UNC5A: variants seen among roughly 807,000 people sequenced by gnomAD.
The protein encoded by UNC5A is unc-5 netrin receptor A.
In UNC5A, 20 loss-of-function variants were observed where a neutral mutation model predicts 87.4. That is an observed-to-expected ratio of 0.23 (90% confidence interval 0.16 to 0.33). The LOEUF (loss-of-function observed/expected upper bound fraction) is 0.33, where lower values mean the gene tolerates loss of function less well. Ranked by LOEUF, UNC5A falls within the 10% of genes least tolerant of loss-of-function variation. UNC5A has a pLI of 1.00. For missense variants in UNC5A, 844 were observed against 1,133.4 expected, an observed-to-expected ratio of 0.74 and a Z score of 3.67; for synonymous variants, 438 against 482.3, an observed-to-expected ratio of 0.91 and a Z score of 1.20.
At chr5:176,843,822 G>A (rs1306636808) in intron 1 of UNC5A, among the ~76,000 whole-genome samples, 2 of 152,212 alleles carry the variant, frequency 1.3e-5, no homozygotes, top group Non-Finnish European at 2.9e-5. Context: ...TGTGTGATGG[G>A]CCGTCTTGCC....
chr5:176,823,874 A>G (rs924099889), intron 1 of UNC5A, among the ~76,000 whole-genome samples: 13 of 152,126 alleles, frequency 8.5e-5, no homozygotes, highest in Non-Finnish European at 1.9e-4. Flanking sequence ...GGGGGTTGGT[A>G]GTTTCTCTGC....
Position 176,874,029 on chromosome 5 carries a change from GGTCCTGCTGCTGCTT to G in UNC5A, c.954_968del (p.Leu319_Leu323del). On this transcript the variant is annotated inframe_deletion, in exon 7 of 15. Transcript: ENST00000329542. The surrounding 1 kb of genome is among the most constrained non-coding windows in gnomAD (Gnocchi z 7.6). ...GCCTCATCGCCGTGGCCGTCTGCCT[GGTCCTGCTGCTGCTT>G]GTCCTCATCCTCGTTTATTGCCGGA... 1 of 1,614,046 alleles carries G rather than the reference GGTCCTGCTGCTGCTT, an allele frequency of 6.2e-7. No individual in the cohort carries two copies. The highest frequency in any genetic ancestry group is 8.5e-7 in the Non-Finnish European group (1 of 1,179,970).
chr5:176,858,150 C>T (rs943897629), intron 1 of UNC5A, among the ~76,000 whole-genome samples: 2 of 152,218 alleles, frequency 1.3e-5, no homozygotes, highest in Admixed American at 6.5e-5. Context: ...CGGCATGGAC[C>T]GAGGATGCAC....
intron 1 of UNC5A, among the ~76,000 whole-genome samples, chr5:176,839,711 G>A (rs926261826): frequency 2.0e-5 from 3 of 152,218 alleles, no homozygotes; most frequent in Non-Finnish European, 4.4e-5. Context: ...GCGCTCTGGG[G>A]AGGGCCTGGG....
intron 6 of UNC5A, among the ~76,000 whole-genome samples, chr5:176,870,739 G>C (rs1284485267): frequency 6.6e-6 from 1 of 151,894 alleles, no homozygotes; most frequent in Non-Finnish European, 1.5e-5. Flanking sequence ...TCCTGAGACG[G>C]GCACAGATTT....
intron 1 of UNC5A, among the ~76,000 whole-genome samples, chr5:176,832,303 G>T (rs1200888690): frequency 1.3e-5 from 2 of 152,156 alleles, no homozygotes; most frequent in Non-Finnish European, 1.5e-5. Context: ...CAGGTGTTTG[G>T]CTGGCAGTCT....
In UNC5A at chr5:176,877,376, C is replaced by T. The variant is rs866656111; in HGVS notation, c.1466+97C>T. On this transcript the variant is annotated intron_variant, in intron 9 of 14. Transcript: ENST00000329542. ...TGCCCACCCACTGTTGTGCCTGGCC[C>T]GAGGCGGCGGGGGAAAGAGCTATGC... 6.3e-5 allele frequency: 87 copies of T among 1,378,144 alleles called. No individual in the cohort carries two copies. The Middle Eastern group carries it at 1.1e-3, about 18-fold the overall frequency. The allele number at this position is 1,378,144 out of a possible 1,614,324, so 85.4% of individuals were successfully genotyped here. A position where few individuals can be genotyped will look rare whatever the true frequency, so the allele number is the denominator to read the frequency against.
chr5:176,867,690 G>T (rs1758007362), intron 2 of UNC5A, among the ~76,000 whole-genome samples: 1 of 152,170 alleles, frequency 6.6e-6, no homozygotes, highest in Admixed American at 6.5e-5. Flanking sequence ...GCCCCCGAGG[G>T]AGGGGGCCAG....
intron 1 of UNC5A, among the ~76,000 whole-genome samples, chr5:176,831,883 C>CTTTTTTTTTT (rs1285414321): frequency 5.0e-4 from 58 of 115,296 alleles, no homozygotes; most frequent in African/African-American, 1.8e-3. Context: ...CTTTCTCTCT[C>CTTTTTTTTTT]TCTTTTTTTT....
intron 2 of UNC5A, among the ~76,000 whole-genome samples, chr5:176,863,178 C>A (rs776567181): frequency 6.6e-6 from 1 of 152,268 alleles, no homozygotes; most frequent in Non-Finnish European, 1.5e-5. Flanking sequence ...AGGCAGACAG[C>A]GGGGTGACCT....
chr5:176,879,350 C>T lies in UNC5A; in HGVS notation c.2225C>T (p.Ala742Val), dbSNP rs79316355. The change falls in exon 14 of 15, where the codon GCG becomes GTG. Residue 742 changes from alanine to valine, a missense_variant. By Grantham distance (64) the Ala-to-Val change is moderately conservative. Around this residue, in one of 3 missense-constraint regions of UNC5A, gnomAD observed 177 missense variants for 279.4 expected, o/e 0.63. Coordinates refer to ENST00000329542, the MANE Select transcript of UNC5A (RefSeq NM_133369.3). ...FAELLALESE[A>V]GVPALVGPSA... ...GAGCTGCTGGCTCTGGAGAGTGAAG[C>T]GGGGGTCCCAGCCCTGGTGGGCCCC... 301 of 1,611,526 alleles carry T rather than the reference C, an allele frequency of 1.9e-4. 4 individuals carry two copies. The East Asian group carries it at 6.4e-3, about 35-fold the overall frequency.
chr5:176,847,423 G>A (rs1022373189), intron 1 of UNC5A, among the ~76,000 whole-genome samples: 1 of 152,196 alleles, frequency 6.6e-6, no homozygotes, highest in Non-Finnish European at 1.5e-5. Flanking sequence ...AGGCGGGGGG[G>A]CCCTCAGCAT....
At chr5:176,859,167 T>C in intron 1 of UNC5A, among the ~76,000 whole-genome samples, 1 of 92,236 alleles carries the variant, frequency 1.1e-5, no homozygotes, top group East Asian at 2.6e-4. Flanking sequence ...TACAATGTCC[T>C]TGCTAGAGGG....
chr5:176,869,549 C>T lies in UNC5A; in HGVS notation c.721+585C>T, dbSNP rs1268310433. ...CAGCCCCTCTGCCCTCACGCCCCGTCCCCTGGGCCAGTGTATCTGAGGACG... is the reference window on the plus strand; with the variant it reads ...CAGCCCCTCTGCCCTCACGCCCCGTTCCCTGGGCCAGTGTATCTGAGGACG... On this transcript the variant is annotated intron_variant, in intron 5 of 14. Coordinates refer to ENST00000329542, the MANE Select transcript of UNC5A (RefSeq NM_133369.3). The surrounding 1 kb of genome is among the most constrained non-coding windows in gnomAD (Gnocchi z 9.1). The T allele has an allele frequency of 1.2e-5, 8 of 664,526 alleles. No individual in the cohort carries two copies. The highest frequency in any genetic ancestry group is 2.2e-5 in the Non-Finnish European group (8 of 362,914). The allele number at this position is 664,526 out of a possible 1,614,324, so 41.2% of individuals were successfully genotyped here.
Position 176,877,788 on chromosome 5 carries a change from G to A in UNC5A, c.1635+85G>A, listed in dbSNP as rs558742323. On this transcript the variant is annotated intron_variant, in intron 10 of 14. Transcript: ENST00000329542. Reference sequence around the variant, plus strand: ...CGGCCTTCCACCGCTGGGTGGTCCTGAGCCGCACCCCCACCCCTCCCCAGT... The same window carrying A: ...CGGCCTTCCACCGCTGGGTGGTCCTAAGCCGCACCCCCACCCCTCCCCAGT... 6.6e-6 allele frequency: 10 copies of A among 1,518,018 alleles called. No homozygotes were observed. The East Asian group carries it at 2.4e-4, about 37-fold the overall frequency. The allele number at this position is 1,518,018 out of a possible 1,614,324, so 94.0% of individuals were successfully genotyped here. A position where few individuals can be genotyped will look rare whatever the true frequency, so the allele number is the denominator to read the frequency against.
At chr5:176,833,993 C>T (rs977186712) in intron 1 of UNC5A, among the ~76,000 whole-genome samples, 12 of 151,686 alleles carry the variant, frequency 7.9e-5, no homozygotes, top group Non-Finnish European at 1.5e-4. Flanking sequence ...TGTGAGCCAC[C>T]GCACCCGGCC....
chr5:176,830,438 CATGT>C (rs1039038745), intron 1 of UNC5A, among the ~76,000 whole-genome samples: 16 of 48,598 alleles, frequency 3.3e-4, no homozygotes, highest in Admixed American at 8.4e-4. Context: ...TGTGTGCTGG[CATGT>C]GTGTGTGTGT....
chr5:176,874,975 G>A lies in UNC5A; in HGVS notation c.1378+409G>A, dbSNP rs1483170970. Among the ~76,000 whole-genome samples the A allele has an allele frequency of 2.0e-5, 3 of 152,168 alleles. No individual in the cohort carries two copies. The highest frequency in any genetic ancestry group is 4.4e-5 in the Non-Finnish European group (3 of 68,030). On this transcript the variant is annotated intron_variant, in intron 8 of 14. Coordinates refer to ENST00000329542, the MANE Select transcript of UNC5A (RefSeq NM_133369.3). The surrounding 1 kb of genome is among the most constrained non-coding windows in gnomAD (Gnocchi z 7.6). ...CCTGGCTTCCACCCACCCCAGCACC[G>A]AAACCCTCTGAAGAACTCTTTCCAT...
At chr5:176,822,848 G>A (rs1756760360) in intron 1 of UNC5A, among the ~76,000 whole-genome samples, 1 of 152,346 alleles carries the variant, frequency 6.6e-6, no homozygotes, top group South Asian at 2.1e-4. Flanking sequence ...CCTGTGTACA[G>A]GGCAGCCGGG....
Sources: gnomAD v4.1 joint callset for allele counts (sites outside exome capture counted in the v4.1 genomes callset) on GRCh38, gnomAD v4.1.1 for gene constraint, gnomAD v4.1.1 regional missense constraint, Gnocchi (gnomAD v3.1) non-coding constraint, MANE v1.5 for transcripts, NCBI Gene and HGNC (gene_info 2026-07-23, HGNC 2026-07-21) for gene names.